Variants in MYH15 observed in about 807,000 individuals in gnomAD.
MYH15 encodes the protein myosin-15.
A neutral mutation model predicts 240.5 loss-of-function variants in MYH15; 227 were observed. That is an observed-to-expected ratio of 0.94 (90% CI 0.85 to 1.05). The LOEUF is 1.05. Ranked by LOEUF, MYH15 falls within the 50% of genes least tolerant of loss-of-function variation. MYH15 has a pLI of 0.00. For synonymous variants in MYH15, 785 were observed against 796.7 expected, an observed-to-expected ratio of 0.99 and a Z score of 0.25; for missense variants, 2,217 against 2,247.5, an observed-to-expected ratio of 0.99 and a Z score of 0.27.
chr3:108,522,092 G>A (rs903263879), intron 1 of MYH15, among the ~76,000 whole-genome samples: 2 of 152,146 alleles, frequency 1.3e-5, no homozygotes, highest in Non-Finnish European at 2.9e-5. Flanking sequence ...TAATAAGCCT[G>A]TTTCCATTTT....
At chr3:108,401,729 A>C (rs1268842918) in intron 33 of MYH15, among the ~76,000 whole-genome samples, 1 of 152,228 alleles carries the variant, frequency 6.6e-6, no homozygotes, top group Non-Finnish European at 1.5e-5. Flanking sequence ...CTTTTCCCAC[A>C]GTTGTTTATG....
chr3:108,454,022 T>C lies in MYH15; in HGVS notation c.2383A>G (p.Lys795Glu). 6.2e-7 allele frequency: 1 copy of C among 1,611,794 alleles called. No individual in the cohort carries two copies. Among genetic ancestry groups the C allele is most frequent in the Non-Finnish European group, 8.5e-7 (1 of 1,178,396 alleles). Residue 795 changes from lysine to glutamate, a missense_variant, in exon 21 of 41, where the codon AAG becomes GAG. By Grantham distance (56) the Lys-to-Glu change is moderately conservative. Transcript: ENST00000693548. Reference sequence around the variant, plus strand: ...ATATAATACCTTTCTTCCAGAATCTTCTGGAATTTGATTCGCATCAGTTTG... The same window carrying C: ...ATATAATACCTTTCTTCCAGAATCTCCTGGAATTTGATTCGCATCAGTTTG... ...QGKLMRIKFQ[K>E]ILEERDALIL...
In MYH15 at chr3:108,437,693, C is replaced by T. The variant is rs1167000457; in HGVS notation, c.3082G>A (p.Gly1028Ser). ...GCTTTTCTCTCCTGCTCAAGGGCAC[C>T]CTCAAGCTGACAAAAGGAAACATTA... ...KLEQQVDELE[G>S]ALEQERKARM... Residue 1028 changes from glycine to serine, a missense_variant, in exon 25 of 41, where the codon GGT becomes AGT. By Grantham distance (56) the Gly-to-Ser change is moderately conservative (BLOSUM62 0). Coordinates refer to ENST00000693548, the MANE Select transcript of MYH15 (RefSeq NM_014981.3). The T allele has an allele frequency of 6.2e-7, 1 of 1,610,444 alleles. No individual in the cohort carries two copies. Among genetic ancestry groups the T allele is most frequent in the Admixed American group, 1.7e-5 (1 of 59,072 alleles).
the MYH15 span, chr3:108,550,896 A>T: frequency 8.6e-6 from 2 of 231,604 alleles, no homozygotes; most frequent in Non-Finnish European, 8.3e-6. Flanking sequence ...GAGGTTAAAA[A>T]TGATTTTCTA....
chr3:108,498,711 T>C (rs574274766), intron 5 of MYH15, among the ~76,000 whole-genome samples: 2 of 152,340 alleles, frequency 1.3e-5, no homozygotes, highest in East Asian at 3.9e-4. Flanking sequence ...GAAAATAGTT[T>C]ATCCTGTCTG....
intron 25 of MYH15, among the ~76,000 whole-genome samples, chr3:108,436,788 C>T (rs2082841879): frequency 6.6e-6 from 1 of 152,140 alleles, no homozygotes; most frequent in Admixed American, 6.5e-5. Flanking sequence ...CCACCCACCT[C>T]GGAAACCTGA....
At chr3:108,425,914 C>G (rs2082721601) in intron 27 of MYH15, among the ~76,000 whole-genome samples, 1 of 152,110 alleles carries the variant, frequency 6.6e-6, no homozygotes. Flanking sequence ...GGGGAATATC[C>G]TATTGGAAAC....
chr3:108,456,651 G>A (rs959219130), intron 19 of MYH15, 115 bp downstream of exon 19: 3 of 717,890 alleles, frequency 4.2e-6, no homozygotes, highest in Admixed American at 4.3e-5. Context: ...AAAACACATC[G>A]ATTTGTAGTC....
chr3:108,441,940 G>A (rs939789636), intron 22 of MYH15, among the ~76,000 whole-genome samples: 5 of 152,142 alleles, frequency 3.3e-5, no homozygotes, highest in African/African-American at 1.2e-4. Context: ...CTCTTACTGG[G>A]TGACCCATTG....
chr3:108,404,493 G>C (rs138071145), intron 33 of MYH15, among the ~76,000 whole-genome samples: 1 of 152,152 alleles, frequency 6.6e-6, no homozygotes, highest in Non-Finnish European at 1.5e-5. Flanking sequence ...GATCTACAGC[G>C]TGTGAAGTGC....
Position 108,492,575 on chromosome 3 carries a change from C to A in MYH15, c.796G>T (p.Val266Leu). The A allele has an allele frequency of 6.2e-7, 1 of 1,613,074 alleles. No individual in the cohort carries two copies. Among genetic ancestry groups the A allele is most frequent in the Non-Finnish European group, 8.5e-7 (1 of 1,179,340 alleles). Residue 266 changes from valine to leucine, a missense_variant, in exon 9 of 41, where the codon GTG becomes TTG. By Grantham distance (32) the Val-to-Leu change is conservative. Coordinates refer to ENST00000693548, the MANE Select transcript of MYH15 (RefSeq NM_014981.3). ...CTCTCTCCAGCCTGCTGGAAAATCA[C>A]CCTGGACTTTTCAAGCAAATCTGGA... ...IDIYLLEKSR[V>L]IFQQAGERNY...
chr3:108,490,883 A>G (rs1270082603), intron 9 of MYH15, among the ~76,000 whole-genome samples: 4 of 150,512 alleles, frequency 2.7e-5, no homozygotes, highest in African/African-American at 9.8e-5. Flanking sequence ...AAATTAGATC[A>G]TGGTTTTTTT....
At position 108,436,226 on chromosome 3, in the gene MYH15, T is replaced by C. The variant is rs187613329; in HGVS notation, c.3221+1328A>G. ...ATGCTAAAACTCTTGACCTGTGGCC[T>C]ACACGACATACAGTATCATTTACAC... is the stretch of plus-strand genomic sequence containing the variant. On this transcript the variant is annotated intron_variant, in intron 25 of 40. Coordinates refer to ENST00000693548, the MANE Select transcript of MYH15 (RefSeq NM_014981.3). Among the ~76,000 whole-genome samples, 43 of 152,360 alleles carry C rather than the reference T, an allele frequency of 2.8e-4. No homozygotes were observed. The East Asian group carries it at 7.9e-3, about 28-fold the overall frequency.
intron 33 of MYH15, among the ~76,000 whole-genome samples, chr3:108,403,677 A>T (rs1405392744): frequency 6.6e-6 from 1 of 151,988 alleles, no homozygotes; most frequent in Admixed American, 6.6e-5. Flanking sequence ...TTCTTTCTGG[A>T]TCTACCTATT....
the MYH15 span, chr3:108,543,280 T>A: frequency 6.6e-6 from 1 of 152,272 alleles, no homozygotes; most frequent in African/African-American, 2.4e-5. Context: ...TGATTCCATG[T>A]CTTTGCTACT....
At chr3:108,536,416 T>C in the MYH15 span, among the ~76,000 whole-genome samples, 2 of 152,244 alleles carry the variant, frequency 1.3e-5, no homozygotes, top group African/African-American at 2.4e-5. Context: ...CTACAGCTCA[T>C]TGGCCAAAAC....
intron 27 of MYH15, among the ~76,000 whole-genome samples, chr3:108,425,419 A>G (rs2082718228): frequency 6.6e-6 from 1 of 152,230 alleles, no homozygotes. Flanking sequence ...GATGGTTTGA[A>G]AAAAGGAAGA....
intron 25 of MYH15, among the ~76,000 whole-genome samples, chr3:108,436,588 G>C (rs893052400): frequency 1.3e-5 from 2 of 152,136 alleles, no homozygotes; most frequent in African/African-American, 2.4e-5. Flanking sequence ...CGCCAGGCTG[G>C]AGTACAGTGG....
At chr3:108,488,098 C>T (rs1371117427) in intron 9 of MYH15, among the ~76,000 whole-genome samples, 4 of 151,608 alleles carry the variant, frequency 2.6e-5, no homozygotes, top group African/African-American at 9.7e-5. Context: ...TATTTAAAAT[C>T]TACTCTGTTA....
Sources: allele counts gnomAD v4.1 joint callset (sites outside exome capture counted in the v4.1 genomes callset), GRCh38; gene constraint gnomAD v4.1.1; transcripts MANE v1.5; gene names NCBI Gene and HGNC (gene_info 2026-07-23, HGNC 2026-07-21).